CACNA1E: variants seen among roughly 807,000 people sequenced by gnomAD.
CACNA1E encodes calcium voltage-gated channel subunit alpha1 E, also known as voltage-dependent R-type calcium channel subunit alpha-1E.
CACNA1E carries 40 observed loss-of-function variants against 259.2 expected under a neutral mutation model. The observed-to-expected ratio is 0.15, with a 90% CI of 0.12 to 0.20. The LOEUF (loss-of-function observed/expected upper bound fraction) is 0.20. CACNA1E is among the 10% of genes least tolerant of loss of function. CACNA1E has a pLI of 1.00. For synonymous variants in CACNA1E, 1,104 were observed against 1,138.5 expected, an observed-to-expected ratio of 0.97 and a Z score of 0.61; for missense variants, 1,874 against 3,040.1, an observed-to-expected ratio of 0.62 and a Z score of 9.02.
At chr1:181,397,248 T>TTAC (rs1656742220) in intron 1 of CACNA1E, among the ~76,000 whole-genome samples, 1 of 152,212 alleles carries the variant, frequency 6.6e-6, no homozygotes. Flanking sequence ...TTCTCTTCTA[T>TTAC]TACTACGTCT....
intron 22 of CACNA1E, 50 bp from the exon 23 acceptor site, chr1:181,737,475 C>A: frequency 6.2e-7 from 1 of 1,605,452 alleles, no homozygotes; most frequent in Non-Finnish European, 8.5e-7. Context: ...GGAGTAAGGG[C>A]ATGGGCGTGG....
rs1662093301 is a variant in CACNA1E at position 181,799,288 on chromosome 1, C to T, written c.*454C>T. 6.5e-6 allele frequency: 1 copy of T among 154,764 alleles called. No homozygotes were observed. Among genetic ancestry groups the T allele is most frequent in the South Asian group, 2.1e-4 (1 of 4,864 alleles). The allele number at this position is 154,764 out of a possible 1,614,324, so 9.6% of individuals were successfully genotyped here. On this transcript the variant is annotated 3_prime_UTR_variant, in exon 48 of 48. Coordinates refer to ENST00000367573, the MANE Select transcript of CACNA1E (RefSeq NM_001205293.3). ...CTCTCCTCCCTCACCAGCTCTTACG[C>T]CTCAGCCAGCACCACTGCCACCAGG...
chr1:181,617,328 T>TAAGAAATACACCTTAAATATAAAGATATG (rs1655315093), intron 6 of CACNA1E, among the ~76,000 whole-genome samples: 1 of 152,056 alleles, frequency 6.6e-6, no homozygotes, highest in African/African-American at 2.4e-5. Flanking sequence ...GTTTTGCTCA[T>TAAGAAATACACCTTAAATATAAAGATATG]CATGGTATTT....
intron 7 of CACNA1E, among the ~76,000 whole-genome samples, chr1:181,670,220 C>T (rs7536895): frequency 3.9e-5 from 6 of 152,156 alleles, no homozygotes; most frequent in Non-Finnish European, 7.3e-5. Context: ...CTTGCAGACA[C>T]GTATACACTG....
chr1:181,742,103 C>T (rs536839714), intron 25 of CACNA1E, among the ~76,000 whole-genome samples: 16 of 152,310 alleles, frequency 1.1e-4, no homozygotes, highest in African/African-American at 3.1e-4. Context: ...CTTTGGCCTT[C>T]GTCACATTTG....
At chr1:181,374,227 A>T (rs1206035149) in intron 1 of CACNA1E, among the ~76,000 whole-genome samples, 2 of 152,110 alleles carry the variant, frequency 1.3e-5, no homozygotes, top group East Asian at 1.9e-4. Context: ...GTTTCAAATA[A>T]TTTTTTTATT....
chr1:181,785,310 G>A lies in CACNA1E; in HGVS notation c.5579-8G>A, dbSNP rs2102844890. 3.8e-6 allele frequency: 6 copies of A among 1,568,232 alleles called. 1 individual carries two copies. The highest frequency in any genetic ancestry group is 1.7e-4 in the Middle Eastern group (1 of 5,964). On this transcript the variant is annotated splice_region_variant and splice_polypyrimidine_tract_variant and intron_variant, in intron 41 of 47. Transcript: ENST00000367573. ...CTGTTCACCATCATGCCACATTTGT[G>A]TTTCTAGCCTCTGACCTGACTGTGG...
intron 2 of CACNA1E, among the ~76,000 whole-genome samples, chr1:181,461,035 A>G (rs961292968): frequency 6.6e-6 from 1 of 152,192 alleles, no homozygotes; most frequent in East Asian, 1.9e-4. Flanking sequence ...GATTGAATTG[A>G]GGTGGGTGCA....
intron 1 of CACNA1E, among the ~76,000 whole-genome samples, chr1:181,387,740 A>G (rs1655955479): frequency 6.6e-6 from 1 of 152,164 alleles, no homozygotes; most frequent in Non-Finnish European, 1.5e-5. Flanking sequence ...CTACTTGGGG[A>G]ACGTATTTTC....
Position 181,798,862 on chromosome 1 carries a change from C to A in CACNA1E, c.*28C>A, listed in dbSNP as rs745460377. The A allele has an allele frequency of 8.8e-6, 13 of 1,483,568 alleles. No homozygotes were observed. Among genetic ancestry groups the A allele is most frequent in the Admixed American group, 2.3e-5 (1 of 44,412 alleles). The allele number at this position is 1,483,568 out of a possible 1,614,324, so 91.9% of individuals were successfully genotyped here. A position where few individuals can be genotyped will look rare whatever the true frequency, so the allele number is the denominator to read the frequency against. ...GCTGCTCCCCCCTCCGATGCATGCT[C>A]TTCTCTCACATGGAGAAAACCAAGA... On this transcript the variant is annotated 3_prime_UTR_variant, in exon 48 of 48. Coordinates refer to ENST00000367573, the MANE Select transcript of CACNA1E (RefSeq NM_001205293.3). The surrounding 1 kb of genome is among the most constrained non-coding windows in gnomAD (Gnocchi z 4.2).
At position 181,579,292 on chromosome 1, in the gene CACNA1E, C is replaced by A. The variant is rs1651284550; in HGVS notation, c.769+68C>A. On this transcript the variant is annotated intron_variant, in intron 5 of 47. Coordinates refer to ENST00000367573, the MANE Select transcript of CACNA1E (RefSeq NM_001205293.3). ...TCTGTTAACTGGGGTAATTTCAGGGCACTTGGAGGCTCATTGGAAAAGTAT... is the reference window on the plus strand; with the variant it reads ...TCTGTTAACTGGGGTAATTTCAGGGAACTTGGAGGCTCATTGGAAAAGTAT... 4 of 1,284,968 alleles carry A rather than the reference C, an allele frequency of 3.1e-6. No homozygotes were observed. The Admixed American group carries it at 8.6e-5, about 28-fold the overall frequency. The allele number at this position is 1,284,968 out of a possible 1,614,324, so 79.6% of individuals were successfully genotyped here.
chr1:181,782,312 G>A (rs1225586880), intron 39 of CACNA1E, among the ~76,000 whole-genome samples: 1 of 152,228 alleles, frequency 6.6e-6, no homozygotes, highest in Admixed American at 6.5e-5. Context: ...AGAGATTATT[G>A]TACACTGGGA....
At chr1:181,435,675 A>G (rs969342322) in intron 2 of CACNA1E, among the ~76,000 whole-genome samples, 1 of 152,196 alleles carries the variant, frequency 6.6e-6, no homozygotes, top group Non-Finnish European at 1.5e-5. Context: ...TAGGCTCCCA[A>G]TATATATTAT....
At chr1:181,395,279 A>G (rs1337632906) in intron 1 of CACNA1E, among the ~76,000 whole-genome samples, 1 of 152,188 alleles carries the variant, frequency 6.6e-6, no homozygotes. Flanking sequence ...GGACAGCTTG[A>G]GCAACCAGAA....
chr1:181,441,021 C>T (rs655587), intron 2 of CACNA1E, among the ~76,000 whole-genome samples: 5,469 of 99,834 alleles, frequency 0.055, 384 homozygotes, highest in African/African-American at 0.11. Flanking sequence ...AAAAAAAAAG[C>T]GCCCAGCTCT....
intron 1 of CACNA1E, among the ~76,000 whole-genome samples, chr1:181,337,371 G>C (rs1483801923): frequency 6.6e-6 from 1 of 151,952 alleles, no homozygotes; most frequent in Non-Finnish European, 1.5e-5. Flanking sequence ...GTGTTAGCCA[G>C]GATGGTAGAA....
intron 18 of CACNA1E, among the ~76,000 whole-genome samples, chr1:181,729,750 A>G (rs757309134): frequency 1.3e-5 from 2 of 152,202 alleles, no homozygotes; most frequent in Non-Finnish European, 2.9e-5. Flanking sequence ...GAGAATGCTC[A>G]TGCTTGTGTG....
chr1:181,712,593 A>G (rs1653484684), intron 8 of CACNA1E, among the ~76,000 whole-genome samples: 1 of 152,184 alleles, frequency 6.6e-6, no homozygotes, highest in Admixed American at 6.5e-5. Flanking sequence ...TAGCCTCTGG[A>G]AACATGAGCA....
chr1:181,435,087 G>A (rs1051618000), intron 2 of CACNA1E, among the ~76,000 whole-genome samples: 1 of 152,160 alleles, frequency 6.6e-6, no homozygotes, highest in Non-Finnish European at 1.5e-5. Flanking sequence ...CCTTCCTAAA[G>A]TCAAAAGATC....
Sources: gnomAD v4.1 joint callset for allele counts (sites outside exome capture counted in the v4.1 genomes callset) on GRCh38, gnomAD v4.1.1 for gene constraint, Gnocchi (gnomAD v3.1) non-coding constraint, MANE v1.5 for transcripts, NCBI Gene and HGNC (gene_info 2026-07-23, HGNC 2026-07-21) for gene names.